Variants in CFAP43 observed in about 807,000 individuals in gnomAD.
CFAP43 encodes cilia and flagella associated protein 43.
CFAP43 carries 155 observed loss-of-function variants against 218.9 expected under a neutral mutation model. That is an observed-to-expected ratio of 0.71 (90% CI 0.62 to 0.81). CFAP43 has a LOEUF of 0.81. Ranked by LOEUF, CFAP43 falls within the 30% of genes least tolerant of loss-of-function variation. The probability of loss-of-function intolerance (pLI) is 0.00; values close to 1 mark genes in which losing one functional copy is unlikely to be tolerated. For missense variants in CFAP43, 1,778 were observed against 1,954.3 expected (o/e 0.91, Z 1.70); for synonymous variants, 645 against 681.3 (o/e 0.95, Z 0.83).
At chr10:104,211,930 G>T (rs2090874456) in intron 5 of CFAP43, 77 bp downstream of exon 5, 1 of 1,496,576 alleles carries the variant, frequency 6.7e-7, no homozygotes, top group South Asian at 1.3e-5. Context: ...TCAAGGGATG[G>T]TTATGCCAAT....
intron 2 of CFAP43, among the ~76,000 whole-genome samples, chr10:104,230,151 C>T (rs995215287): frequency 2.3e-4 from 34 of 150,894 alleles, no homozygotes; most frequent in African/African-American, 8.2e-4. Context: ...AGCTTGATTC[C>T]TTCTTTAAAA....
intron 27 of CFAP43, among the ~76,000 whole-genome samples, chr10:104,155,042 G>C (rs957572530): frequency 1.3e-5 from 2 of 152,178 alleles, no homozygotes; most frequent in Non-Finnish European, 2.9e-5. Flanking sequence ...GAGCAATGAA[G>C]CCATCTCAGG....
intron 14 of CFAP43, 116 bp from the exon 15 acceptor site, chr10:104,186,239 A>G (rs1246072049): frequency 1.2e-6 from 1 of 820,196 alleles, no homozygotes; most frequent in Non-Finnish European, 1.7e-6. Context: ...GATATGGCAT[A>G]AAGTGCAAAC....
intron 16 of CFAP43, among the ~76,000 whole-genome samples, chr10:104,183,042 G>A (rs1255660226): frequency 6.6e-6 from 1 of 152,158 alleles, no homozygotes; most frequent in Non-Finnish European, 1.5e-5. Flanking sequence ...CACTGGCTGA[G>A]CTCTCGGAAT....
Position 104,133,759 on chromosome 10 carries a change from C to G in CFAP43, c.4457G>C (p.Ser1486Thr). The G allele has an allele frequency of 6.2e-7, 1 of 1,610,674 alleles. No homozygotes were observed. Among genetic ancestry groups the G allele is most frequent in the Non-Finnish European group, 8.5e-7 (1 of 1,178,914 alleles). ...IRTQGQKKVA[S>T]MMESKDVHKR... ...GTGTACATCTTTACTTTCCATCATG[C>G]TAGCAACTTTCTTTTGTCCTTGAGT... Residue 1486 changes from serine to threonine, a missense_variant, in exon 35 of 38, where the codon AGC becomes ACC. Coordinates refer to ENST00000357060, the MANE Select transcript of CFAP43 (RefSeq NM_025145.7).
intron 3 of CFAP43, among the ~76,000 whole-genome samples, chr10:104,218,123 C>T (rs1010698410): frequency 3.9e-5 from 6 of 151,970 alleles, no homozygotes; most frequent in Admixed American, 2.6e-4. Flanking sequence ...CTGAGGCGGG[C>T]GGCTCATGAG....
intron 19 of CFAP43, among the ~76,000 whole-genome samples, chr10:104,173,737 A>G (rs2089504996): frequency 6.6e-6 from 1 of 152,138 alleles, no homozygotes. Flanking sequence ...AGCAGACAGA[A>G]TACCTGCTAA....
chr10:104,184,782 G>A (rs1216446705), intron 16 of CFAP43, among the ~76,000 whole-genome samples: 1 of 151,990 alleles, frequency 6.6e-6, no homozygotes, highest in Non-Finnish European at 1.5e-5. Context: ...CCATACTAGA[G>A]GATCTCATCC....
At chr10:104,149,453 A>C (rs541879043) in intron 28 of CFAP43, among the ~76,000 whole-genome samples, 1 of 152,342 alleles carries the variant, frequency 6.6e-6, no homozygotes, top group African/African-American at 2.4e-5. Flanking sequence ...ACTTCAGTTC[A>C]TATAGGAAAG....
chr10:104,222,341 T>A (rs867321024), intron 3 of CFAP43, among the ~76,000 whole-genome samples: 1 of 152,200 alleles, frequency 6.6e-6, no homozygotes, highest in African/African-American at 2.4e-5. Context: ...TTGGGCCTCA[T>A]CACAGGATTA....
chr10:104,135,381 T>C (rs2087392121), intron 34 of CFAP43, among the ~76,000 whole-genome samples: 1 of 152,096 alleles, frequency 6.6e-6, no homozygotes, highest in African/African-American at 2.4e-5. Flanking sequence ...ATTCTAGTCA[T>C]GGCAATTAGG....
At chr10:104,143,760 G>T in intron 31 of CFAP43, 121 bp from the exon 32 acceptor site, 1 of 950,202 alleles carries the variant, frequency 1.1e-6, no homozygotes, top group Non-Finnish European at 1.6e-6. Context: ...GCCATGTGAT[G>T]GCTGGTAGGT....
In CFAP43 at chr10:104,192,299, A is replaced by G; in HGVS notation, c.1446T>C (p.Tyr482=). 1.2e-6 allele frequency: 2 copies of G among 1,609,416 alleles called. No individual in the cohort carries two copies. The highest frequency in any genetic ancestry group is 1.7e-5 in the Admixed American group (1 of 59,878). The stretch of plus-strand genomic sequence containing the variant: ...CTAACAGAAATATTCCTTGCTGATC[A>G]TAACTAGAAAAGAAGAAATCTGATG... ...LSESSVQHVV[Y]DQQGIFLLVG... is the part of the protein sequence containing the mutation. Residue 482 remains tyrosine, a synonymous_variant, in exon 12 of 38, where the codon TAT becomes TAC. Coordinates refer to ENST00000357060, the MANE Select transcript of CFAP43 (RefSeq NM_025145.7).
At chr10:104,143,660 C>T in intron 31 of CFAP43, 21 bp from the exon 32 acceptor site, 1 of 1,610,428 alleles carries the variant, frequency 6.2e-7, no homozygotes, top group Admixed American at 1.7e-5. Flanking sequence ...CAAGAAAAGC[C>T]CATCAACATT....
At position 104,169,737 on chromosome 10, in the gene CFAP43, T is replaced by C. The variant is rs80329465; in HGVS notation, c.2587-889A>G. 1.4e-4 allele frequency among the ~76,000 whole-genome samples: 22 copies of C among 152,304 alleles called. No homozygotes were observed. The East Asian group carries it at 4.2e-3, about 29-fold the overall frequency. The stretch of plus-strand genomic sequence containing the variant: ...TTATTTTATTGTCTGATTAAATGAC[T>C]TTAATTTGCAATTCATTTCTTTTTG... On this transcript the variant is annotated intron_variant, in intron 20 of 37. Coordinates refer to ENST00000357060, the MANE Select transcript of CFAP43 (RefSeq NM_025145.7).
At chr10:104,209,893 A>T (rs1329492164) in intron 5 of CFAP43, among the ~76,000 whole-genome samples, 1 of 152,120 alleles carries the variant, frequency 6.6e-6, no homozygotes, top group East Asian at 1.9e-4. Context: ...TGATACCAAA[A>T]TCTGTGGATG....
At chr10:104,139,865 A>G (rs2087626432) in intron 34 of CFAP43, among the ~76,000 whole-genome samples, 1 of 152,222 alleles carries the variant, frequency 6.6e-6, no homozygotes, top group Non-Finnish European at 1.5e-5. Context: ...TTATTCTAAA[A>G]GATAATTGTC....
In CFAP43 at chr10:104,150,039, A is replaced by G. The variant is rs1019220591; in HGVS notation, c.3661-2041T>C. 2.6e-5 allele frequency among the ~76,000 whole-genome samples: 4 copies of G among 152,220 alleles called. No individual in the cohort carries two copies. The East Asian group carries it at 5.8e-4, about 22-fold the overall frequency. ...TATGATTCCACAAAAATGGAATCAT[A>G]CAATATGTGGCCTTTGTTGTCTGGC... On this transcript the variant is annotated intron_variant, in intron 28 of 37. Transcript: ENST00000357060.
At chr10:104,207,284 A>G (rs2090723024) in intron 6 of CFAP43, among the ~76,000 whole-genome samples, 1 of 152,170 alleles carries the variant, frequency 6.6e-6, no homozygotes. Flanking sequence ...GGGTGGGGGC[A>G]GGAAAGGGTA....
Sources: gnomAD v4.1 joint callset for allele counts (sites outside exome capture counted in the v4.1 genomes callset) on GRCh38, gnomAD v4.1.1 for gene constraint, MANE v1.5 for transcripts, NCBI Gene and HGNC (gene_info 2026-07-23, HGNC 2026-07-21) for gene names.